DDAH1: variants seen among roughly 807,000 people sequenced by gnomAD.
DDAH1 encodes the protein dimethylarginine dimethylaminohydrolase 1.
A neutral mutation model predicts 28.8 loss-of-function variants in DDAH1; 19 were observed. The ratio of observed to expected loss-of-function variants is 0.66; its 90% CI spans 0.46 to 0.97. The LOEUF is 0.97. DDAH1 is among the 50% of genes least tolerant of loss of function. The pLI, the probability that DDAH1 is intolerant of heterozygous loss-of-function variation, is 0.00. For synonymous variants in DDAH1, 153 were observed against 154.4 expected (o/e 0.99, Z 0.07); for missense variants, 326 against 375.9 (o/e 0.87, Z 1.10).
intron 1 of DDAH1, among the ~76,000 whole-genome samples, chr1:85,520,695 T>C (rs1394531536): frequency 1.3e-5 from 2 of 152,324 alleles, no homozygotes; most frequent in South Asian, 4.1e-4. Context: ...AAATGGACTG[T>C]GCCGAGGCAC....
At position 85,553,678 on chromosome 1, in the gene DDAH1, G is replaced by A. The variant is rs1169008517; in HGVS notation, c.-123+24306C>T. The stretch of plus-strand genomic sequence containing the variant: ...ATGAACAGATTCTTCATTTCTGATA[G>A]ACAGTACAGTCTAGAGGTCTGATAT... On this transcript the variant is annotated intron_variant, in intron 1 of 6. Coordinates refer to the DDAH1 transcript ENST00000426972. 2.0e-5 allele frequency among the ~76,000 whole-genome samples: 3 copies of A among 152,352 alleles called. No individual in the cohort carries two copies. The East Asian group carries it at 5.8e-4, about 29-fold the overall frequency.
intron 1 of DDAH1, among the ~76,000 whole-genome samples, chr1:85,382,214 C>G (rs989128821): frequency 2.0e-5 from 3 of 152,152 alleles, no homozygotes; most frequent in Non-Finnish European, 4.4e-5. Context: ...AGTGAACACA[C>G]GACTAATAAG....
chr1:85,395,095 A>T (rs34750524), intron 1 of DDAH1, among the ~76,000 whole-genome samples: 5,893 of 152,262 alleles, frequency 0.039, 130 homozygotes, highest in Non-Finnish European at 0.045. Flanking sequence ...AAATTATAAA[A>T]AGTCATGAGA....
chr1:85,562,356 A>T (rs766558480), intron 1 of DDAH1, among the ~76,000 whole-genome samples: 2 of 152,246 alleles, frequency 1.3e-5, no homozygotes, highest in Non-Finnish European at 2.9e-5. Context: ...CACAAAGACC[A>T]GTCATGTTTG....
intron 1 of DDAH1, among the ~76,000 whole-genome samples, chr1:85,547,804 A>T (rs1251036267): frequency 1.3e-5 from 2 of 152,252 alleles, no homozygotes; most frequent in African/African-American, 2.4e-5. Context: ...GCAGAAGACA[A>T]GACCAGAGGA....
At position 85,404,487 on chromosome 1, in the gene DDAH1, A is replaced by G. The variant is rs142782411; in HGVS notation, c.304-45640T>C. ...TTTTAACATCCACCTGTGTTACTGAAGAACAGTCTGACCCGGATTGAGCCA... is the reference window on the plus strand; with the variant it reads ...TTTTAACATCCACCTGTGTTACTGAGGAACAGTCTGACCCGGATTGAGCCA... On this transcript the variant is annotated intron_variant, in intron 1 of 5. Coordinates refer to ENST00000284031, the MANE Select transcript of DDAH1 (RefSeq NM_012137.4). 6.8e-5 allele frequency: 104 copies of G among 1,519,840 alleles called. 1 individual carries two copies. In the African/African-American group the frequency reaches 1.3e-3, roughly 19 times the overall value. 94.1% of individuals were successfully genotyped at this position (1,519,840 alleles called of 1,614,324 possible). A position where few individuals can be genotyped will look rare whatever the true frequency, so the allele number is the denominator to read the frequency against.
rs1004272274 is a variant in DDAH1, at chr1:85,479,452, C to A, written c.-7+16714G>T. Among the ~76,000 whole-genome samples, 3 of 152,224 alleles carry A rather than the reference C, an allele frequency of 2.0e-5. 1 individual carries two copies. ...CCTCCCAAAGTGCTGGGATTACAGGCGTGAGCCACCGCGCCTGGCCCTGTT... is the reference window on the plus strand; with the variant it reads ...CCTCCCAAAGTGCTGGGATTACAGGAGTGAGCCACCGCGCCTGGCCCTGTT... On this transcript the variant is annotated intron_variant, in intron 2 of 6. Transcript: ENST00000426972.
chr1:85,367,376 G>A (rs1650129849), intron 1 of DDAH1, among the ~76,000 whole-genome samples: 1 of 152,130 alleles, frequency 6.6e-6, no homozygotes, highest in Admixed American at 6.5e-5. Flanking sequence ...GTAGGGTCCT[G>A]CTATGCGCTC....
chr1:85,562,582 A>G (rs1424608721), intron 1 of DDAH1, among the ~76,000 whole-genome samples: 1 of 152,194 alleles, frequency 6.6e-6, no homozygotes, highest in Non-Finnish European at 1.5e-5. Context: ...CTTCCATAGA[A>G]AGAGGAAATT....
At chr1:85,547,242 G>A (rs947623576) in intron 1 of DDAH1, among the ~76,000 whole-genome samples, 9 of 152,194 alleles carry the variant, frequency 5.9e-5, no homozygotes, top group South Asian at 2.1e-4. Context: ...TAGTACCTAC[G>A]TCAGAGGGCT....
chr1:85,336,892 C>CA (rs936667188), intron 4 of DDAH1, among the ~76,000 whole-genome samples: 4 of 151,240 alleles, frequency 2.6e-5, no homozygotes, highest in East Asian at 3.9e-4. Context: ...AAGGACACAA[C>CA]AAAAAAAACT....
intron 1 of DDAH1, among the ~76,000 whole-genome samples, chr1:85,505,393 G>A (rs766641420): frequency 2.0e-4 from 31 of 152,154 alleles, no homozygotes; most frequent in Non-Finnish European, 3.8e-4. Flanking sequence ...GCAGGTGATA[G>A]CAGACACTTC....
At chr1:85,349,542 C>T (rs1649070788) in intron 4 of DDAH1, among the ~76,000 whole-genome samples, 1 of 152,184 alleles carries the variant, frequency 6.6e-6, no homozygotes, top group Non-Finnish European at 1.5e-5. Context: ...GCAGTCCTGA[C>T]CCACCATTTA....
chr1:85,574,885 C>A (rs866812345), intron 1 of DDAH1, among the ~76,000 whole-genome samples: 78 of 151,768 alleles, frequency 5.1e-4, no homozygotes, highest in East Asian at 1.8e-3. Flanking sequence ...ATCTCTCTCT[C>A]TCTCTCTATA....
At position 85,551,429 on chromosome 1, in the gene DDAH1, C is replaced by T. The variant is rs1249280362; in HGVS notation, c.-123+26555G>A. Among the ~76,000 whole-genome samples, 9 of 152,356 alleles carry T rather than the reference C, an allele frequency of 5.9e-5. 1 individual carries two copies. In the South Asian group the frequency reaches 1.7e-3, roughly 28 times the overall value. ...AGAAACCCAGCTTCTTCTGAGCACA[C>T]TTAACCACCACTGTTTGCACAGAAT... is the stretch of plus-strand genomic sequence containing the variant. On this transcript the variant is annotated intron_variant, in intron 1 of 6. Transcript: ENST00000426972.
intron 1 of DDAH1, among the ~76,000 whole-genome samples, chr1:85,534,300 A>G (rs1658194073): frequency 1.3e-5 from 2 of 152,214 alleles, no homozygotes; most frequent in African/African-American, 4.8e-5. Context: ...CCATGAACTT[A>G]TAAACAAGAA....
intron 4 of DDAH1, among the ~76,000 whole-genome samples, chr1:85,345,895 A>T (rs1175533498): frequency 6.6e-6 from 1 of 152,152 alleles, no homozygotes; most frequent in Non-Finnish European, 1.5e-5. Flanking sequence ...GGATGAATGA[A>T]TTTATGTGTT....
chr1:85,484,425 G>A (rs766044367), intron 2 of DDAH1, among the ~76,000 whole-genome samples: 8 of 152,110 alleles, frequency 5.3e-5, no homozygotes, highest in Non-Finnish European at 8.8e-5. Context: ...GAAAAATGCT[G>A]CCAAGGATGA....
chr1:85,361,253 T>C (rs912520341), intron 1 of DDAH1, among the ~76,000 whole-genome samples: 69 of 152,186 alleles, frequency 4.5e-4, no homozygotes, highest in African/African-American at 1.7e-3. Flanking sequence ...TTCAGGCAGT[T>C]AGAACACTAA....
Sources: gnomAD v4.1 joint callset for allele counts (sites outside exome capture counted in the v4.1 genomes callset) on GRCh38, gnomAD v4.1.1 for gene constraint, MANE v1.5 for transcripts, NCBI Gene and HGNC (gene_info 2026-07-23, HGNC 2026-07-21) for gene names.